Variants in ABI3BP observed in about 807,000 individuals in gnomAD.
ABI3BP encodes ABI family member 3 binding protein, also known as target of Nesh-SH3.
ABI3BP carries 216 observed loss-of-function variants against 268.6 expected under a neutral mutation model. The observed-to-expected ratio is 0.80, with a 90% confidence interval of 0.72 to 0.90. The LOEUF (loss-of-function observed/expected upper bound fraction) is 0.90, where lower values mean the gene tolerates loss of function less well. ABI3BP is among the 40% of genes least tolerant of loss of function. The pLI is 0.00. For synonymous variants in ABI3BP, 730 were observed against 730.0 expected (o/e 1.00, Z 0.00); for missense variants, 2,090 against 2,182.4 (o/e 0.96, Z 0.84).
rs543360597 is a variant in ABI3BP at position 100,876,480 on chromosome 3, C to T, written c.745+32G>A. 4 of 1,589,274 alleles carry T rather than the reference C, an allele frequency of 2.5e-6. No homozygotes were observed. In the Admixed American group the frequency reaches 6.7e-5, roughly 27 times the overall value. ...TTAGCTAAAAGTATGTTAAAGATTG[C>T]TCTAAACACATTTCCAGAGCAGACA... On this transcript the variant is annotated intron_variant, in intron 7 of 67. Transcript: ENST00000471714.
At chr3:100,765,105 T>TG (rs1491330128) in intron 63 of ABI3BP, among the ~76,000 whole-genome samples, 5 of 78,090 alleles carry the variant, frequency 6.4e-5, no homozygotes, top group Admixed American at 1.5e-4. Flanking sequence ...GTGAACATTA[T>TG]GAAAAAAAAA....
At chr3:100,880,926 C>T (rs2099223286) in intron 6 of ABI3BP, among the ~76,000 whole-genome samples, 1 of 151,986 alleles carries the variant, frequency 6.6e-6, no homozygotes, top group Non-Finnish European at 1.5e-5. Flanking sequence ...TAAAGAGGAG[C>T]TGTCCATTTG....
intron 50 of ABI3BP, among the ~76,000 whole-genome samples, chr3:100,807,874 G>C (rs546666362): frequency 5.3e-5 from 8 of 152,044 alleles, no homozygotes; most frequent in Non-Finnish European, 7.4e-5. Context: ...TCAGGCCGGG[G>C]AAGGAAAACG....
At chr3:100,884,976 A>G (rs2041235496) in intron 6 of ABI3BP, among the ~76,000 whole-genome samples, 1 of 99,762 alleles carries the variant, frequency 1.0e-5, no homozygotes, top group African/African-American at 3.0e-5. Flanking sequence ...AAGTGGAAGG[A>G]AAGAGAGCAT....
At chr3:100,941,337 C>A (rs2069126666) in intron 1 of ABI3BP, among the ~76,000 whole-genome samples, 1 of 151,988 alleles carries the variant, frequency 6.6e-6, no homozygotes, top group African/African-American at 2.4e-5. Context: ...TGGAGCACTC[C>A]CTTCATAAAG....
chr3:100,810,912 C>T (rs990966759), intron 48 of ABI3BP, among the ~76,000 whole-genome samples: 1 of 151,950 alleles, frequency 6.6e-6, no homozygotes, highest in African/African-American at 2.4e-5. Flanking sequence ...GATCATCGCA[C>T]CAAAAAAGCA....
chr3:100,900,943 A>C (rs2050014772), intron 3 of ABI3BP, among the ~76,000 whole-genome samples: 1 of 152,206 alleles, frequency 6.6e-6, no homozygotes, highest in African/African-American at 2.4e-5. Context: ...TCCTTACATA[A>C]TTTTGTATAT....
At position 100,821,037 on chromosome 3, in the gene ABI3BP, T is replaced by C. The variant is rs775813133; in HGVS notation, c.2947+17A>G. 1.2e-5 allele frequency: 18 copies of C among 1,532,270 alleles called. No individual in the cohort carries two copies. In the East Asian group the frequency reaches 1.2e-4, roughly 10 times the overall value. 94.9% of individuals were successfully genotyped at this position (1,532,270 alleles called of 1,614,324 possible). ...GAGAAGGAAGAACACTTAATGAGGATTGCAACGTGCTATTACCTTGTGTTG... is the reference window on the plus strand; with the variant it reads ...GAGAAGGAAGAACACTTAATGAGGACTGCAACGTGCTATTACCTTGTGTTG... On this transcript the variant is annotated intron_variant, in intron 39 of 67. Coordinates refer to ENST00000471714, the MANE Select transcript of ABI3BP (RefSeq NM_001375547.2).
At chr3:100,913,159 C>T (rs556528605) in intron 2 of ABI3BP, among the ~76,000 whole-genome samples, 103 of 152,284 alleles carry the variant, frequency 6.8e-4, no homozygotes, top group Admixed American at 2.2e-3. Flanking sequence ...TTGTCCTATT[C>T]CGGTGACAAA....
At chr3:100,875,753 C>A (rs1418903307) in intron 7 of ABI3BP, among the ~76,000 whole-genome samples, 174 bp from the exon 8 acceptor site, 1 of 152,176 alleles carries the variant, frequency 6.6e-6, no homozygotes, top group Non-Finnish European at 1.5e-5. Flanking sequence ...CATACCTTAC[C>A]TTAACACCTA....
chr3:100,880,631 C>T (rs1561209989), intron 6 of ABI3BP, among the ~76,000 whole-genome samples: 1 of 151,930 alleles, frequency 6.6e-6, no homozygotes, highest in Non-Finnish European at 1.5e-5. Context: ...AGGGTGATGC[C>T]CCGGAGACAA....
chr3:100,849,977 G>T, intron 17 of ABI3BP, 68 bp downstream of exon 17: 1 of 1,340,878 alleles, frequency 7.5e-7, no homozygotes, highest in Non-Finnish European at 1.0e-6. Context: ...TTCTGAAATG[G>T]CCAACATGAC....
At chr3:100,886,612 G>C (rs2028105) in intron 4 of ABI3BP, among the ~76,000 whole-genome samples, 3,023 of 151,884 alleles carry the variant, frequency 0.02, 82 homozygotes, top group African/African-American at 0.069. Flanking sequence ...ATGAAAGTTG[G>C]AAAACACTAG....
At chr3:100,862,512 A>T in intron 13 of ABI3BP, 127 bp from the exon 14 acceptor site, 3 of 638,836 alleles carry the variant, frequency 4.7e-6, no homozygotes, top group Non-Finnish European at 8.2e-6. Flanking sequence ...TACAATAAAA[A>T]GTCATTATAT....
chr3:100,835,785 A>G lies in ABI3BP; in HGVS notation c.2132-125T>C. ...CATTTCTGAACTCTGGGAAAATAGT[A>G]TTTGTTTTCCCCTAAGTAGCCAAAC... On this transcript the variant is annotated intron_variant, in intron 27 of 67. Transcript: ENST00000471714. 9 of 805,656 alleles carry G rather than the reference A, an allele frequency of 1.1e-5. No individual in the cohort carries two copies. The South Asian group carries it at 1.5e-4, about 13-fold the overall frequency. 49.9% of individuals were successfully genotyped at this position (805,656 alleles called of 1,614,324 possible). A position where few individuals can be genotyped will look rare whatever the true frequency, so the allele number is the denominator to read the frequency against.
At chr3:100,967,238 A>G (rs1477868127) in intron 1 of ABI3BP, among the ~76,000 whole-genome samples, 1 of 152,160 alleles carries the variant, frequency 6.6e-6, no homozygotes, top group African/African-American at 2.4e-5. Flanking sequence ...GCGGTGGCTC[A>G]CACCTGTAAT....
At chr3:100,785,162 A>C (rs1175704198) in intron 57 of ABI3BP, among the ~76,000 whole-genome samples, 1 of 152,220 alleles carries the variant, frequency 6.6e-6, no homozygotes, top group Non-Finnish European at 1.5e-5. Flanking sequence ...TGAAAACTTC[A>C]GCAAGAAAAA....
Position 100,825,777 on chromosome 3 carries a change from G to T in ABI3BP, c.2662+8C>A. Reference sequence around the variant, plus strand: ...TGGCAAACAGCCAGGTAATTGTAGGGTCGTTACCTAAGGTTGTTGCAGGGA... The same window carrying T: ...TGGCAAACAGCCAGGTAATTGTAGGTTCGTTACCTAAGGTTGTTGCAGGGA... On this transcript the variant is annotated splice_region_variant and intron_variant, in intron 35 of 67. Transcript: ENST00000471714. 6.5e-7 allele frequency: 1 copy of T among 1,533,342 alleles called. No individual in the cohort carries two copies. The highest frequency in any genetic ancestry group is 1.2e-5 in the South Asian group (1 of 84,000). The allele number at this position is 1,533,342 out of a possible 1,614,324, so 95.0% of individuals were successfully genotyped here. A position where few individuals can be genotyped will look rare whatever the true frequency, so the allele number is the denominator to read the frequency against.
intron 14 of ABI3BP, among the ~76,000 whole-genome samples, chr3:100,858,894 G>T (rs1055851011): frequency 6.6e-6 from 1 of 152,140 alleles, no homozygotes; most frequent in Non-Finnish European, 1.5e-5. Context: ...TGGCTGATAC[G>T]AGTAGATGTG....
Sources: gnomAD v4.1 joint callset for allele counts (sites outside exome capture counted in the v4.1 genomes callset) on GRCh38, gnomAD v4.1.1 for gene constraint, MANE v1.5 for transcripts, NCBI Gene and HGNC (gene_info 2026-07-23, HGNC 2026-07-21) for gene names.